CNTNAP2: variants seen among roughly 807,000 people sequenced by gnomAD.
The protein encoded by CNTNAP2 is contactin-associated protein-like 2.
A neutral mutation model predicts 155.2 loss-of-function variants in CNTNAP2; 98 were observed. The observed-to-expected ratio is 0.63, with a 90% confidence interval of 0.54 to 0.75. The LOEUF (loss-of-function observed/expected upper bound fraction) is 0.75, where lower values mean the gene tolerates loss of function less well. CNTNAP2 is among the 30% of genes least tolerant of loss of function. The pLI is 0.00. For synonymous variants in CNTNAP2, 651 were observed against 631.2 expected (o/e 1.03, Z -0.47); for missense variants, 1,727 against 1,688.1 (o/e 1.02, Z -0.40).
At chr7:147,453,422 A>G (rs1797867113) in intron 10 of CNTNAP2, among the ~76,000 whole-genome samples, 3 of 152,144 alleles carry the variant, frequency 2.0e-5, no homozygotes, top group African/African-American at 7.2e-5. Flanking sequence ...TGGTCTCCCC[A>G]TTACGGTGTG....
Position 146,304,817 on chromosome 7 carries a change from T to C in CNTNAP2, c.97+187844T>C, listed in dbSNP as rs137957014. On this transcript the variant is annotated intron_variant, in intron 1 of 23. Coordinates refer to ENST00000361727, the MANE Select transcript of CNTNAP2 (RefSeq NM_014141.6). ...TATTTCCTAAATTTGAATGTTGGCCTGCCTTGCTATTTTGGGGAAGTTCCC... is the reference window on the plus strand; with the variant it reads ...TATTTCCTAAATTTGAATGTTGGCCCGCCTTGCTATTTTGGGGAAGTTCCC... Among the ~76,000 whole-genome samples, 174 of 152,264 alleles carry C rather than the reference T, an allele frequency of 1.1e-3. 3 individuals carry two copies. In the East Asian group the frequency reaches 0.032, roughly 28 times the overall value.
At chr7:146,322,084 T>G (rs1356785699) in intron 1 of CNTNAP2, among the ~76,000 whole-genome samples, 2 of 152,112 alleles carry the variant, frequency 1.3e-5, no homozygotes, top group Admixed American at 1.3e-4. Context: ...GGGAAAACCA[T>G]GCTGTAAGGA....
intron 22 of CNTNAP2, among the ~76,000 whole-genome samples, chr7:148,396,573 T>G (rs1344649129): frequency 2.0e-5 from 3 of 152,242 alleles, no homozygotes; most frequent in Admixed American, 1.3e-4. Flanking sequence ...CAGCACCTCA[T>G]GTCCTTGCTA....
chr7:146,491,823 A>G lies in CNTNAP2; in HGVS notation c.98-282448A>G, dbSNP rs139437788. Among the ~76,000 whole-genome samples, 545 of 152,284 alleles carry G rather than the reference A, an allele frequency of 3.6e-3. 4 individuals are homozygous for G. Among genetic ancestry groups the G allele is most frequent in the African/African-American group, 0.012 (510 of 41,574 alleles). On this transcript the variant is annotated intron_variant, in intron 1 of 23. Coordinates refer to ENST00000361727, the MANE Select transcript of CNTNAP2 (RefSeq NM_014141.6). Reference sequence around the variant, plus strand: ...CATCCTCTGCCTACTTTGTGAAACAAAATTTCTCACAATTTCCAGAAAAAG... The same window carrying G: ...CATCCTCTGCCTACTTTGTGAAACAGAATTTCTCACAATTTCCAGAAAAAG...
chr7:147,314,798 AG>A (rs754645899), intron 9 of CNTNAP2, among the ~76,000 whole-genome samples: 3 of 151,302 alleles, frequency 2.0e-5, no homozygotes, highest in Non-Finnish European at 4.4e-5. Context: ...ATACATGTAA[AG>A]GGGGAATTGC....
intron 1 of CNTNAP2, among the ~76,000 whole-genome samples, chr7:146,566,529 A>G (rs1798358788): frequency 6.6e-6 from 1 of 151,900 alleles, no homozygotes; most frequent in Admixed American, 6.6e-5. Flanking sequence ...CCCCGTCTCT[A>G]CTAAAATTAC....
chr7:147,550,065 A>C (rs1200015700), intron 11 of CNTNAP2, among the ~76,000 whole-genome samples: 36 of 152,226 alleles, frequency 2.4e-4, no homozygotes, highest in Non-Finnish European at 5.9e-5. Context: ...TGAGTACTGC[A>C]GATCCTTAGC....
intron 1 of CNTNAP2, among the ~76,000 whole-genome samples, chr7:146,393,320 A>G (rs1008027472): frequency 3.3e-5 from 5 of 152,202 alleles, no homozygotes; most frequent in African/African-American, 9.6e-5. Context: ...GTATGACATA[A>G]TAGATGCCTC....
chr7:146,632,034 A>G (rs1799519153), intron 1 of CNTNAP2, among the ~76,000 whole-genome samples: 2 of 152,220 alleles, frequency 1.3e-5, no homozygotes, highest in South Asian at 2.1e-4. Context: ...AGACTTTATT[A>G]GCAAGAGCAT....
chr7:148,079,689 G>C (rs1803559805), intron 15 of CNTNAP2, among the ~76,000 whole-genome samples: 1 of 152,150 alleles, frequency 6.6e-6, no homozygotes, highest in African/African-American at 2.4e-5. Context: ...AAAATACTTG[G>C]ATTTCTTTCA....
chr7:147,084,984 A>C (rs1438292191), intron 4 of CNTNAP2, among the ~76,000 whole-genome samples: 1 of 151,480 alleles, frequency 6.6e-6, no homozygotes, highest in East Asian at 1.9e-4. Flanking sequence ...CTACCCACTA[A>C]CTCTGAGAGG....
chr7:147,635,206 A>AT (rs1795157010), intron 12 of CNTNAP2, among the ~76,000 whole-genome samples: 1 of 149,970 alleles, frequency 6.7e-6, no homozygotes, highest in African/African-American at 2.5e-5. Flanking sequence ...ATATATGTTT[A>AT]ATTTTAATTA....
rs552358233 is a variant in CNTNAP2 at position 146,956,469 on chromosome 7, C to T, written c.403-87438C>T. On this transcript the variant is annotated intron_variant, in intron 3 of 23. Transcript: ENST00000361727. ...TAGAAGAAAGGAAAAGTGCTGTCTTCCACATTGGGTTTCAGCTGGGCTTAC... is the reference window on the plus strand; with the variant it reads ...TAGAAGAAAGGAAAAGTGCTGTCTTTCACATTGGGTTTCAGCTGGGCTTAC... Among the ~76,000 whole-genome samples, 4 of 152,274 alleles carry T rather than the reference C, an allele frequency of 2.6e-5. No homozygotes were observed. In the South Asian group the frequency reaches 8.3e-4, roughly 32 times the overall value.
intron 1 of CNTNAP2, among the ~76,000 whole-genome samples, chr7:146,192,039 T>C (rs4460283): frequency 0.29 from 44,097 of 151,984 alleles, 7,260 homozygotes; most frequent in African/African-American, 0.45. Context: ...GAAATCTTCA[T>C]AATTTATGTT....
intron 18 of CNTNAP2, among the ~76,000 whole-genome samples, chr7:148,205,117 A>T (rs1247177069): frequency 6.6e-6 from 1 of 152,238 alleles, no homozygotes; most frequent in East Asian, 1.9e-4. Flanking sequence ...AAAACCGCGA[A>T]TTAAAATGGT....
chr7:146,994,978 T>C (rs1365386397), intron 3 of CNTNAP2, among the ~76,000 whole-genome samples: 2 of 152,068 alleles, frequency 1.3e-5, no homozygotes, highest in African/African-American at 4.8e-5. Flanking sequence ...TGAGAACATC[T>C]CCACATTCTT....
chr7:147,510,004 G>A (rs758327073), intron 11 of CNTNAP2, among the ~76,000 whole-genome samples: 9 of 152,034 alleles, frequency 5.9e-5, no homozygotes, highest in Non-Finnish European at 1.2e-4. Context: ...ACATGAGTAA[G>A]TCAATACAAG....
Position 147,427,794 on chromosome 7 carries a change from A to G in CNTNAP2, c.1670+32014A>G, listed in dbSNP as rs184971150. On this transcript the variant is annotated intron_variant, in intron 10 of 23. Coordinates refer to ENST00000361727, the MANE Select transcript of CNTNAP2 (RefSeq NM_014141.6). ...TCATTTTCCAAGAGGGCTCCAGGCA[A>G]TCAACCTTTATCTTTTTTGGGACTT... Among the ~76,000 whole-genome samples, 216 of 152,304 alleles carry G rather than the reference A, an allele frequency of 1.4e-3. 1 individual carries two copies. The highest frequency in any genetic ancestry group is 0.01 in the Middle Eastern group (3 of 294).
intron 20 of CNTNAP2, among the ~76,000 whole-genome samples, chr7:148,241,536 C>T (rs1450464969): frequency 6.6e-6 from 1 of 152,106 alleles, no homozygotes; most frequent in Non-Finnish European, 1.5e-5. Flanking sequence ...TGTGGGAGCA[C>T]AGAAAAGTAG....
Sources: gnomAD v4.1 joint callset for allele counts (sites outside exome capture counted in the v4.1 genomes callset) on GRCh38, gnomAD v4.1.1 for gene constraint, MANE v1.5 for transcripts, NCBI Gene and HGNC (gene_info 2026-07-23, HGNC 2026-07-21) for gene names.